The following PPP2R5C variants were observed in gnomAD, a reference collection of about 807,000 sequenced individuals.
PPP2R5C encodes the protein serine/threonine-protein phosphatase 2A 56 kDa regulatory subunit gamma isoform.
A neutral mutation model predicts 68.9 loss-of-function variants in PPP2R5C; 7 were observed. That is an observed-to-expected ratio of 0.10 (90% CI 0.06 to 0.19). The LOEUF is 0.19. Among genes scored for constraint, PPP2R5C ranks in the 10% least tolerant of loss-of-function variants. The pLI, the probability that PPP2R5C is intolerant of heterozygous loss-of-function variation, is 1.00. For synonymous variants in PPP2R5C, 210 were observed against 222.2 expected (o/e 0.95, Z 0.49); for missense variants, 348 against 641.3 (o/e 0.54, Z 4.94).
chr14:101,809,861 A>C, upstream of PPP2R5C: 1 of 1,548,628 alleles, frequency 6.5e-7, no homozygotes, highest in Non-Finnish European at 8.7e-7. Context: ...AGAGAGCTTC[A>C]GTTTGTCTTT....
intron 1 of PPP2R5C, among the ~76,000 whole-genome samples, chr14:101,855,895 G>C (rs910093860): frequency 2.6e-5 from 4 of 152,222 alleles, no homozygotes; most frequent in Non-Finnish European, 5.9e-5. Context: ...TAAATGGCAA[G>C]AAAGTGTCAA....
At chr14:101,814,233 TCAAGA>T (rs2039528487) in intron 1 of PPP2R5C, among the ~76,000 whole-genome samples, 1 of 152,230 alleles carries the variant, frequency 6.6e-6, no homozygotes, top group Admixed American at 6.5e-5. Flanking sequence ...GTGCCTCAGC[TCAAGA>T]TTTTTACTTC....
intron 2 of PPP2R5C, among the ~76,000 whole-genome samples, chr14:101,870,062 TTTTTG>T (rs2043303263): frequency 1.4e-5 from 2 of 142,948 alleles, no homozygotes; most frequent in African/African-American, 5.4e-5. Context: ...TTTTTTTTTT[TTTTTG>T]AGTTTTGAGT....
At chr14:101,856,608 A>T (rs2042439438) in intron 1 of PPP2R5C, 78 bp from the exon 4 acceptor site, 2 of 1,291,582 alleles carry the variant, frequency 1.5e-6, no homozygotes, top group South Asian at 2.6e-5. Context: ...TAAAAATAGA[A>T]GAAAGCTTAA....
chr14:101,762,065 C>T (rs1483500481), intron 1 of PPP2R5C, 145 bp downstream of exon 1: 1 of 887,304 alleles, frequency 1.1e-6, no homozygotes, highest in Admixed American at 5.6e-5. Context: ...GCGGCCGAGC[C>T]AGGCATCCCC....
intron 2 of PPP2R5C, among the ~76,000 whole-genome samples, chr14:101,870,094 A>G (rs1777209373): frequency 1.1e-5 from 1 of 95,078 alleles, no homozygotes; most frequent in Admixed American, 1.4e-4. Flanking sequence ...ACTTCTTTAC[A>G]TATCTGGGTA....
In PPP2R5C at chr14:101,847,766, G is replaced by A. The variant is rs576957916; in HGVS notation, c.95-8920G>A. Among the ~76,000 whole-genome samples, 6 of 150,392 alleles carry A rather than the reference G, an allele frequency of 4.0e-5. 1 individual carries two copies. In the South Asian group the frequency reaches 6.3e-4, roughly 16 times the overall value. ...CAACCTCCGCCTCCTGGGTTCAAGCGATTCTCCTGCCTCAGCCTCCCGAGT... is the reference window on the plus strand; with the variant it reads ...CAACCTCCGCCTCCTGGGTTCAAGCAATTCTCCTGCCTCAGCCTCCCGAGT... On this transcript the variant is annotated intron_variant, in intron 1 of 13. Coordinates refer to ENST00000334743, the Ensembl canonical transcript of PPP2R5C.
At chr14:101,873,850 G>A (rs1261723300) in intron 2 of PPP2R5C, among the ~76,000 whole-genome samples, 1 of 152,124 alleles carries the variant, frequency 6.6e-6, no homozygotes, top group Admixed American at 6.5e-5. Flanking sequence ...GGCGGTGTGG[G>A]ACGTGCCTCA....
intron 8 of PPP2R5C, among the ~76,000 whole-genome samples, chr14:101,900,808 C>T (rs557776397): frequency 6.6e-5 from 10 of 152,342 alleles, no homozygotes; most frequent in South Asian, 2.1e-4. Context: ...TGCAGTCCGA[C>T]GGGCTGTGCC....
chr14:101,911,700 T>C (rs756933835), intron 11 of PPP2R5C, among the ~76,000 whole-genome samples: 2 of 151,844 alleles, frequency 1.3e-5, no homozygotes, highest in African/African-American at 2.4e-5. Context: ...CTGGCCAATA[T>C]TGTGAAACCC....
At chr14:101,893,189 C>T in intron 7 of PPP2R5C, 81 bp downstream of exon 9, 1 of 965,108 alleles carries the variant, frequency 1.0e-6, no homozygotes, top group Non-Finnish European at 1.6e-6. Context: ...CCGGCCTTGA[C>T]TGAGAGTGCT....
intron 1 of PPP2R5C, among the ~76,000 whole-genome samples, chr14:101,834,591 C>G (rs2040964111): frequency 6.6e-6 from 1 of 152,188 alleles, no homozygotes; most frequent in South Asian, 2.1e-4. Flanking sequence ...GCGTTGCCAG[C>G]CCTGGCCTCC....
intron 5 of PPP2R5C, among the ~76,000 whole-genome samples, chr14:101,885,372 G>T (rs1380165543): frequency 7.0e-6 from 1 of 141,850 alleles, no homozygotes. Context: ...CTTTCCGTCT[G>T]CAGTCATTAG....
At chr14:101,798,933 A>G (rs2038739483) in intron 3 of PPP2R5C, among the ~76,000 whole-genome samples, 1 of 152,228 alleles carries the variant, frequency 6.6e-6, no homozygotes, top group Non-Finnish European at 1.5e-5. Context: ...GGAGAGGGAA[A>G]TGCTGTTCTT....
intron 3 of PPP2R5C, among the ~76,000 whole-genome samples, chr14:101,790,739 C>T (rs1357907842): frequency 6.6e-6 from 1 of 152,198 alleles, no homozygotes; most frequent in Non-Finnish European, 1.5e-5. Context: ...GAGTAGATAC[C>T]TAGGAGTGGA....
upstream of PPP2R5C, chr14:101,809,663 A>G (rs1294177648): frequency 2.7e-6 from 1 of 365,656 alleles, no homozygotes; most frequent in East Asian, 7.0e-5. Context: ...ATCTTTGCCT[A>G]AAAGTTACTG....
chr14:101,822,170 T>A (rs923451543), intron 1 of PPP2R5C, among the ~76,000 whole-genome samples: 3 of 143,232 alleles, frequency 2.1e-5, no homozygotes, highest in Non-Finnish European at 4.5e-5. Flanking sequence ...TAAGGCCTAA[T>A]AGTGTCACTA....
intron 5 of PPP2R5C, among the ~76,000 whole-genome samples, chr14:101,885,655 C>A (rs2044456384): frequency 6.6e-6 from 1 of 152,248 alleles, no homozygotes; most frequent in South Asian, 2.1e-4. Flanking sequence ...CCAAGTACCC[C>A]ACATCTCGTT....
At chr14:101,816,870 TTATA>T (rs562594859) in intron 1 of PPP2R5C, among the ~76,000 whole-genome samples, 1 of 139,152 alleles carries the variant, frequency 7.2e-6, no homozygotes, top group African/African-American at 2.7e-5. Flanking sequence ...ATATATTTAT[TTATA>T]TATATATTAT....
Sources: allele counts gnomAD v4.1 joint callset (sites outside exome capture counted in the v4.1 genomes callset), GRCh38; gene constraint gnomAD v4.1.1; transcripts MANE v1.5; gene names NCBI Gene and HGNC (gene_info 2026-07-23, HGNC 2026-07-21).